The following UGT2B10 variants were observed in gnomAD, a reference collection of about 807,000 sequenced individuals.
UGT2B10 encodes the protein UDP-glucuronosyltransferase 2B10.
Under a neutral mutation model 43.7 loss-of-function variants are expected in UGT2B10, and 51 were observed. The ratio of observed to expected loss-of-function variants is 1.17; its 90% confidence interval spans 0.93 to 1.47. The LOEUF (loss-of-function observed/expected upper bound fraction) is 1.47. UGT2B10 is among the 40% of genes most tolerant of loss of function. UGT2B10 has a pLI of 0.00. For missense variants in UGT2B10, 696 were observed against 617.7 expected (o/e 1.13, Z -1.34); for synonymous variants, 225 against 209.0 (o/e 1.08, Z -0.66).
At chr4:68,820,433 A>G (rs1173341557) in intron 2 of UGT2B10, among the ~76,000 whole-genome samples, 1 of 152,080 alleles carries the variant, frequency 6.6e-6, no homozygotes, top group East Asian at 1.9e-4. Context: ...GTCATGTGAA[A>G]TCATAAAAAA....
chr4:68,822,779 G>A, intron 3 of UGT2B10, among the ~76,000 whole-genome samples: 1 of 152,162 alleles, frequency 6.6e-6, no homozygotes, highest in Admixed American at 6.6e-5. Context: ...GGTGCTTAAT[G>A]TAGTCTTTAG....
At chr4:68,817,138 T>G (rs1410430218) in intron 1 of UGT2B10, among the ~76,000 whole-genome samples, 1 of 151,856 alleles carries the variant, frequency 6.6e-6, no homozygotes, top group Non-Finnish European at 1.5e-5. Context: ...CTGCAGAAAT[T>G]TTTCCTTCTA....
At chr4:68,817,910 T>G in intron 1 of UGT2B10, 119 bp from the exon 2 acceptor site, 1 of 1,210,220 alleles carries the variant, frequency 8.3e-7, no homozygotes. Context: ...ATGTACATAT[T>G]TTTCAAAGCA....
chr4:68,822,837 T>A (rs1459667188), intron 3 of UGT2B10, among the ~76,000 whole-genome samples: 1 of 152,190 alleles, frequency 6.6e-6, no homozygotes, highest in South Asian at 2.1e-4. Context: ...CAGAACTGTG[T>A]TCTTGTAGAA....
chr4:68,825,167 A>T (rs1737709762), intron 3 of UGT2B10, among the ~76,000 whole-genome samples: 1 of 152,120 alleles, frequency 6.6e-6, no homozygotes, highest in Admixed American at 6.6e-5. Context: ...AGAAACGAAT[A>T]CATTACAATT....
intron 5 of UGT2B10, among the ~76,000 whole-genome samples, chr4:68,828,134 A>G (rs980303394): frequency 2.6e-5 from 4 of 151,982 alleles, no homozygotes; most frequent in African/African-American, 9.7e-5. Context: ...ATCACCTCCC[A>G]TGACTGCTTA....
intron 5 of UGT2B10, among the ~76,000 whole-genome samples, chr4:68,829,664 A>G (rs1362070191): frequency 2.6e-5 from 4 of 152,072 alleles, no homozygotes; most frequent in Non-Finnish European, 5.9e-5. Context: ...GGAGAGAAGC[A>G]TGCCTTGGGT....
At position 68,830,770 on chromosome 4, in the gene UGT2B10, T is replaced by C. The variant is rs147368959; in HGVS notation, c.1478T>C (p.Ile493Thr). ...TWFQYHSLDV[I>T]GFLLACVATV... ...TTCCAGTACCACTCTTTGGATGTGA[T>C]TGGGTTCCTGCTGGCTTGTGTGGCA... Residue 493 changes from isoleucine to threonine, a missense_variant, in exon 6 of 6, where the codon ATT becomes ACT. Ile to Thr is a moderately conservative substitution (Grantham distance 89). Transcript: ENST00000265403. The C allele has an allele frequency of 1.4e-3, 2,325 of 1,613,420 alleles. 30 individuals are homozygous for C. In the African/African-American group the frequency reaches 0.027, roughly 19 times the overall value.
chr4:68,820,217 T>C lies in UGT2B10; in HGVS notation c.867+2040T>C, dbSNP rs1194343013. Among the ~76,000 whole-genome samples the C allele has an allele frequency of 2.0e-5, 3 of 152,206 alleles. No individual in the cohort carries two copies. In the East Asian group the frequency reaches 5.8e-4, roughly 29 times the overall value. The stretch of plus-strand genomic sequence containing the variant: ...CTAATACTAGCTCTTGTTATTAACT[T>C]GCAGAAAGCATTGAATGAAAGTCAA... On this transcript the variant is annotated intron_variant, in intron 2 of 5. Coordinates refer to ENST00000265403, the MANE Select transcript of UGT2B10 (RefSeq NM_001075.6).
chr4:68,828,307 A>C (rs1277377591), intron 5 of UGT2B10, among the ~76,000 whole-genome samples: 2 of 150,212 alleles, frequency 1.3e-5, no homozygotes, highest in Non-Finnish European at 2.9e-5. Flanking sequence ...TGTGTGTTTT[A>C]ATATTTAATT....
chr4:68,816,770 C>G (rs765196181), intron 1 of UGT2B10, 33 bp downstream of exon 1: 3 of 1,514,726 alleles, frequency 2.0e-6, no homozygotes, highest in Non-Finnish European at 1.8e-6. Context: ...ACATGAAGCT[C>G]TAACTTATTT....
intron 2 of UGT2B10, among the ~76,000 whole-genome samples, chr4:68,821,991 A>G (rs1444372367): frequency 6.6e-6 from 1 of 152,144 alleles, no homozygotes; most frequent in African/African-American, 2.4e-5. Context: ...TATCTCCCTG[A>G]CTACAATGTA....
At chr4:68,820,382 G>A (rs1246800173) in intron 2 of UGT2B10, among the ~76,000 whole-genome samples, 1 of 151,776 alleles carries the variant, frequency 6.6e-6, no homozygotes, top group Non-Finnish European at 1.5e-5. Context: ...AAATGTATCA[G>A]GTGTTTTAAA....
intron 4 of UGT2B10, 54 bp from the exon 5 acceptor site, chr4:68,827,275 G>T: frequency 1.2e-6 from 2 of 1,610,370 alleles, no homozygotes; most frequent in South Asian, 2.2e-5. Context: ...GCCTTTCATT[G>T]TGCATCTCAT....
rs1358515384 is a variant in UGT2B10, at chr4:68,826,492, T to C, written c.1082T>C (p.Leu361Pro). Reference protein sequence around the residue: ...RLYKWIPQNDLLGHPKTRAFI... With the variant: ...RLYKWIPQNDPLGHPKTRAFI... Reference sequence around the variant, plus strand: ...TACAAGTGGATACCCCAGAATGACCTTCTAGGTAACACTCTGGTGAACAAT... The same window carrying C: ...TACAAGTGGATACCCCAGAATGACCCTCTAGGTAACACTCTGGTGAACAAT... The change falls in exon 4 of 6, where the codon CTT becomes CCT. Residue 361 changes from leucine to proline, a missense_variant. By Grantham distance (98) the Leu-to-Pro change is moderately conservative. Transcript: ENST00000265403. The C allele has an allele frequency of 1.2e-6, 2 of 1,612,026 alleles. No individual in the cohort carries two copies. The highest frequency in any genetic ancestry group is 1.7e-5 in the Admixed American group (1 of 59,798).
intron 2 of UGT2B10, among the ~76,000 whole-genome samples, chr4:68,818,767 T>C (rs1245634836): frequency 6.6e-6 from 1 of 151,626 alleles, no homozygotes; most frequent in East Asian, 1.9e-4. Context: ...GCAGATAAAG[T>C]GGTCAGGACA....
At position 68,816,741 on chromosome 4, in the gene UGT2B10, A is replaced by T. The variant is rs1203300495; in HGVS notation, c.718+4A>T. 18 of 1,582,494 alleles carry T rather than the reference A, an allele frequency of 1.1e-5. No homozygotes were observed. The highest frequency in any genetic ancestry group is 1.5e-5 in the Non-Finnish European group (17 of 1,166,126). ...CAGTTTTACAGTGAAGTTTTAGGTA[A>T]GATTTTTTTCAATTAGTAACATGAA... On this transcript the variant is annotated splice_donor_region_variant and intron_variant, in intron 1 of 5. Transcript: ENST00000265403.
chr4:68,821,571 T>G (rs1332412967), intron 2 of UGT2B10, among the ~76,000 whole-genome samples: 1 of 152,186 alleles, frequency 6.6e-6, no homozygotes, highest in African/African-American at 2.4e-5. Flanking sequence ...AATTCTGTAT[T>G]ATAAATGAGA....
At position 68,818,088 on chromosome 4, in the gene UGT2B10, T is replaced by C. The variant is rs1317950568; in HGVS notation, c.778T>C (p.Ser260Pro). Residue 260 changes from serine to proline, a missense_variant, in exon 2 of 6, where the codon TCC becomes CCC. By Grantham distance (74) the Ser-to-Pro change is moderately conservative. Transcript: ENST00000265403. Reference sequence around the variant, plus strand: ...AGCTGACATATGGCTTATGCGAAACTCCTGGAATTTTAAATTTCCTCATCC... The same window carrying C: ...AGCTGACATATGGCTTATGCGAAACCCCTGGAATTTTAAATTTCCTCATCC... ...RKADIWLMRN[S>P]WNFKFPHPFL... The C allele has an allele frequency of 1.2e-6, 2 of 1,611,874 alleles. No individual in the cohort carries two copies. Among genetic ancestry groups the C allele is most frequent in the Non-Finnish European group, 1.7e-6 (2 of 1,178,596 alleles).
Sources: allele counts gnomAD v4.1 joint callset (sites outside exome capture counted in the v4.1 genomes callset), GRCh38; gene constraint gnomAD v4.1.1; transcripts MANE v1.5; gene names NCBI Gene and HGNC (gene_info 2026-07-23, HGNC 2026-07-21).